MBOAT1: variants seen among roughly 807,000 people sequenced by gnomAD.
MBOAT1 encodes membrane bound glycerophospholipid O-acyltransferase 1.
In MBOAT1, 67 loss-of-function variants were observed where a neutral mutation model predicts 64.4. The observed-to-expected ratio is 1.04, with a 90% CI of 0.85 to 1.27. The LOEUF (loss-of-function observed/expected upper bound fraction) is 1.27, where lower values mean the gene tolerates loss of function less well. MBOAT1 is among the 50% of genes most tolerant of loss of function. The pLI is 0.00. For missense variants in MBOAT1, 563 were observed against 604.6 expected (o/e 0.93, Z 0.72); for synonymous variants, 229 against 218.9 (o/e 1.05, Z -0.41).
chr6:20,152,338 AT>A (rs1193574939), intron 2 of MBOAT1, among the ~76,000 whole-genome samples: 21 of 69,652 alleles, frequency 3.0e-4, no homozygotes, highest in African/African-American at 6.0e-4. Context: ...AAAAAAAAAA[AT>A]AAAAAATAAA....
At chr6:20,103,317 A>T (rs1281045117) in intron 12 of MBOAT1, among the ~76,000 whole-genome samples, 1 of 152,254 alleles carries the variant, frequency 6.6e-6, no homozygotes, top group South Asian at 2.1e-4. Flanking sequence ...TTAACAAAAA[A>T]GGTTTCAAAA....
At chr6:20,158,644 A>G (rs191161831) in intron 1 of MBOAT1, among the ~76,000 whole-genome samples, 10 of 152,202 alleles carry the variant, frequency 6.6e-5, no homozygotes, top group Admixed American at 5.9e-4. Context: ...GAGACAACCC[A>G]CAGATTGGGA....
chr6:20,176,142 G>T (rs1762336773), intron 1 of MBOAT1, among the ~76,000 whole-genome samples: 1 of 151,984 alleles, frequency 6.6e-6, no homozygotes, highest in African/African-American at 2.4e-5. Context: ...TAATTAGCTG[G>T]GCATAGTGAT....
intron 1 of MBOAT1, among the ~76,000 whole-genome samples, chr6:20,207,476 A>G (rs1581471867): frequency 6.6e-6 from 1 of 152,208 alleles, no homozygotes; most frequent in Non-Finnish European, 1.5e-5. Flanking sequence ...TCCATGCACC[A>G]TATTTCAGGA....
chr6:20,156,310 T>C (rs1178650956), intron 1 of MBOAT1, among the ~76,000 whole-genome samples: 1 of 152,140 alleles, frequency 6.6e-6, no homozygotes. Flanking sequence ...AAGTTTATCT[T>C]TTTACACCAG....
intron 4 of MBOAT1, among the ~76,000 whole-genome samples, chr6:20,132,372 T>C (rs1178380315): frequency 2.6e-5 from 4 of 152,194 alleles, no homozygotes; most frequent in African/African-American, 9.6e-5. Context: ...ATTTGTAAAA[T>C]GCAGCTGCCT....
At chr6:20,203,633 A>G (rs1763181966) in intron 1 of MBOAT1, among the ~76,000 whole-genome samples, 1 of 152,182 alleles carries the variant, frequency 6.6e-6, no homozygotes, top group South Asian at 2.1e-4. Flanking sequence ...TGTGCTAACC[A>G]TACAAAGATG....
intron 4 of MBOAT1, among the ~76,000 whole-genome samples, chr6:20,131,721 A>G (rs1760834114): frequency 6.6e-6 from 1 of 152,190 alleles, no homozygotes; most frequent in Non-Finnish European, 1.5e-5. Context: ...TTTGAAATAA[A>G]CCATTTTTAT....
chr6:20,115,795 G>T (rs758717956), intron 9 of MBOAT1, among the ~76,000 whole-genome samples: 11 of 152,082 alleles, frequency 7.2e-5, no homozygotes, highest in Non-Finnish European at 1.2e-4. Context: ...AACTAGGTCA[G>T]TCTTGTGCAG....
At chr6:20,178,616 A>T (rs1360607573) in intron 1 of MBOAT1, among the ~76,000 whole-genome samples, 1 of 152,202 alleles carries the variant, frequency 6.6e-6, no homozygotes, top group East Asian at 1.9e-4. Context: ...AAAGCATCAT[A>T]GAATTCTGGG....
chr6:20,115,432 A>G, intron 9 of MBOAT1, 80 bp from the exon 10 acceptor site: 1 of 1,152,112 alleles, frequency 8.7e-7, no homozygotes. Context: ...TTTCCCTGGC[A>G]GCAGGTTAGA....
chr6:20,182,979 A>G (rs946384646), intron 1 of MBOAT1, among the ~76,000 whole-genome samples: 49 of 152,300 alleles, frequency 3.2e-4, no homozygotes, highest in African/African-American at 1.1e-3. Context: ...AACACAATGG[A>G]AAGGATTGGC....
intron 1 of MBOAT1, among the ~76,000 whole-genome samples, chr6:20,174,784 G>A (rs1483237441): frequency 6.6e-6 from 1 of 152,084 alleles, no homozygotes; most frequent in African/African-American, 2.4e-5. Flanking sequence ...GTACATGACT[G>A]TATATGAAAA....
intron 1 of MBOAT1, among the ~76,000 whole-genome samples, chr6:20,198,590 AAT>A (rs924615640): frequency 1.4e-4 from 21 of 152,154 alleles, no homozygotes; most frequent in African/African-American, 5.1e-4. Context: ...TTTGTTTAGC[AAT>A]TTTCAGCCTA....
At position 20,170,565 on chromosome 6, in the gene MBOAT1, A is replaced by G. The variant is rs2113724866; in HGVS notation, c.100-17796T>C. On this transcript the variant is annotated intron_variant, in intron 1 of 12. Coordinates refer to ENST00000324607, the MANE Select transcript of MBOAT1 (RefSeq NM_001080480.3). ...CTTAAATCTATCCATTTCCCTCCATATAGCTACCTGAATTCAGGGCACCAT... is the reference window on the plus strand; with the variant it reads ...CTTAAATCTATCCATTTCCCTCCATGTAGCTACCTGAATTCAGGGCACCAT... Among the ~76,000 whole-genome samples the G allele has an allele frequency of 2.6e-5, 4 of 152,164 alleles. No homozygotes were observed. In the South Asian group the frequency reaches 8.3e-4, roughly 32 times the overall value.
intron 3 of MBOAT1, among the ~76,000 whole-genome samples, chr6:20,145,082 C>T (rs1440801836): frequency 6.6e-6 from 1 of 152,164 alleles, no homozygotes; most frequent in Non-Finnish European, 1.5e-5. Flanking sequence ...ATAAGCTGTG[C>T]AATGAATGAT....
At chr6:20,147,902 G>A (rs1461004517) in intron 3 of MBOAT1, among the ~76,000 whole-genome samples, 1 of 152,108 alleles carries the variant, frequency 6.6e-6, no homozygotes, top group East Asian at 1.9e-4. Context: ...AAAGAGCTTG[G>A]CTTAAGACTT....
intron 4 of MBOAT1, among the ~76,000 whole-genome samples, chr6:20,142,348 C>T (rs1761202959): frequency 6.6e-6 from 1 of 152,210 alleles, no homozygotes; most frequent in African/African-American, 2.4e-5. Context: ...TGGGGAGTTG[C>T]AATCCCCATT....
chr6:20,154,767 C>T (rs946782611), intron 1 of MBOAT1, among the ~76,000 whole-genome samples: 2 of 152,114 alleles, frequency 1.3e-5, no homozygotes, highest in African/African-American at 4.8e-5. Flanking sequence ...AAAAGAATCA[C>T]CTTAGCAAGT....
Sources: gnomAD v4.1 joint callset for allele counts (sites outside exome capture counted in the v4.1 genomes callset) on GRCh38, gnomAD v4.1.1 for gene constraint, MANE v1.5 for transcripts, NCBI Gene and HGNC (gene_info 2026-07-23, HGNC 2026-07-21) for gene names.